CEP128: variants seen among roughly 807,000 people sequenced by gnomAD.
The protein encoded by CEP128 is centrosomal protein 128, also known as centrosomal protein 128kDa.
A neutral mutation model predicts 156.7 loss-of-function variants in CEP128; 132 were observed. That is an observed-to-expected ratio of 0.84 (90% CI 0.73 to 0.97). The LOEUF (loss-of-function observed/expected upper bound fraction) is 0.97, where lower values mean the gene tolerates loss of function less well. Ranked by LOEUF, CEP128 falls within the 50% of genes least tolerant of loss-of-function variation. CEP128 has a pLI of 0.00. For missense variants in CEP128, 1,252 were observed against 1,281.9 expected, an observed-to-expected ratio of 0.98 and a Z score of 0.36; for synonymous variants, 469 against 448.9, an observed-to-expected ratio of 1.04 and a Z score of -0.57.
intron 22 of CEP128, among the ~76,000 whole-genome samples, chr14:80,527,750 C>T (rs533180518): frequency 5.3e-4 from 80 of 152,310 alleles, no homozygotes; most frequent in South Asian, 2.9e-3. Flanking sequence ...AACAACATCC[C>T]ACCTTTTAAC....
At chr14:80,697,163 T>C (rs1404153897) in intron 19 of CEP128, among the ~76,000 whole-genome samples, 3 of 151,168 alleles carry the variant, frequency 2.0e-5, no homozygotes, top group African/African-American at 2.4e-5. Flanking sequence ...TTTAAGAAAT[T>C]AAAAAAAAAG....
intron 18 of CEP128, among the ~76,000 whole-genome samples, chr14:80,743,875 TC>T (rs1292625180): frequency 6.8e-6 from 1 of 146,492 alleles, no homozygotes; most frequent in Non-Finnish European, 1.5e-5. Context: ...TCTCTCTCAC[TC>T]TTTTTTTTTT....
chr14:80,685,385 C>T (rs1212642481), intron 19 of CEP128, among the ~76,000 whole-genome samples: 4 of 151,774 alleles, frequency 2.6e-5, no homozygotes, highest in Middle Eastern at 3.4e-3. Flanking sequence ...TAAATCTAAC[C>T]GAAGAAGTAA....
chr14:80,483,977 TTTTC>T (rs1439225069), intron 14 of CEP128, among the ~76,000 whole-genome samples: 1 of 152,020 alleles, frequency 6.6e-6, no homozygotes, highest in African/African-American at 2.4e-5. Context: ...CTTGATTCCT[TTTTC>T]TTTTTTTTTC....
intron 19 of CEP128, among the ~76,000 whole-genome samples, chr14:80,731,064 G>T (rs528626189): frequency 6.6e-6 from 1 of 152,250 alleles, no homozygotes; most frequent in South Asian, 2.1e-4. Context: ...ACAGCCTAAA[G>T]ACTTTGAAAT....
At chr14:80,487,790 G>A (rs900123866), downstream of CEP128, among the ~76,000 whole-genome samples, 142 of 152,158 alleles carry the variant, frequency 9.3e-4, no homozygotes, top group African/African-American at 3.3e-3. Context: ...GGTATATAAC[G>A]AAATGAAGGC....
intron 21 of CEP128, among the ~76,000 whole-genome samples, chr14:80,558,554 C>T (rs753196963): frequency 6.6e-6 from 1 of 152,098 alleles, no homozygotes; most frequent in African/African-American, 2.4e-5. Flanking sequence ...TCCCAAAGTG[C>T]TGGGATTACG....
intron 18 of CEP128, among the ~76,000 whole-genome samples, chr14:80,746,684 T>C (rs1899118966): frequency 6.6e-6 from 1 of 152,150 alleles, no homozygotes; most frequent in African/African-American, 2.4e-5. Flanking sequence ...GGCTTGGCAA[T>C]AGCTTCCTAG....
intron 9 of CEP128, among the ~76,000 whole-genome samples, chr14:80,846,976 C>A (rs1886639248): frequency 6.6e-6 from 1 of 152,050 alleles, no homozygotes; most frequent in Admixed American, 6.6e-5. Context: ...TTTCCCAATA[C>A]CAGAAAGATA....
At chr14:80,622,933 A>G (rs1893548828) in intron 19 of CEP128, among the ~76,000 whole-genome samples, 1 of 151,906 alleles carries the variant, frequency 6.6e-6, no homozygotes, top group Non-Finnish European at 1.5e-5. Context: ...TAGAAATACC[A>G]TTTGACCCAG....
chr14:80,822,645 G>A (rs9323694), intron 13 of CEP128: 8 of 743,386 alleles, frequency 1.1e-5, no homozygotes, highest in African/African-American at 1.7e-5. Flanking sequence ...GAACCCAAGC[G>A]TAAAAAGGCC....
chr14:80,795,943 C>T (rs1007183205), intron 13 of CEP128, among the ~76,000 whole-genome samples: 1 of 152,140 alleles, frequency 6.6e-6, no homozygotes, highest in African/African-American at 2.4e-5. Context: ...CAAAAACTAA[C>T]AGTAAAGATT....
intron 17 of CEP128, 32 bp from the exon 18 acceptor site, chr14:80,756,983 C>T (rs775180964): frequency 2.2e-6 from 3 of 1,382,408 alleles, no homozygotes; most frequent in Admixed American, 1.8e-5. Context: ...ATTAGAAATA[C>T]ATTTTTCTCT....
intron 19 of CEP128, among the ~76,000 whole-genome samples, chr14:80,680,938 C>G (rs182587692): frequency 2.6e-5 from 4 of 152,144 alleles, no homozygotes; most frequent in African/African-American, 4.8e-5. Context: ...GTGCACCCCA[C>G]GGATCAGCCC....
Position 80,604,034 on chromosome 14 carries a change from C to T in CEP128, c.2807-23611G>A, listed in dbSNP as rs187506201. On this transcript the variant is annotated intron_variant, in intron 19 of 24. Transcript: ENST00000555265. ...TAAAAACAAAAAGTTATTACTAAAA[C>T]TTTCAAAAAAGCAATATTTTCTAGT... 2.7e-3 allele frequency among the ~76,000 whole-genome samples: 414 copies of T among 152,270 alleles called. 2 individuals are homozygous for T. The highest frequency in any genetic ancestry group is 9.0e-3 in the African/African-American group (375 of 41,566).
At chr14:80,642,840 C>T (rs1894477851) in intron 19 of CEP128, among the ~76,000 whole-genome samples, 1 of 151,952 alleles carries the variant, frequency 6.6e-6, no homozygotes, top group Non-Finnish European at 1.5e-5. Context: ...ACTACAACCT[C>T]AGCCTCCCAG....
chr14:80,771,034 G>T (rs1900486697), intron 16 of CEP128, among the ~76,000 whole-genome samples: 3 of 152,098 alleles, frequency 2.0e-5, no homozygotes, highest in Admixed American at 2.0e-4. Flanking sequence ...TCAAAAAATA[G>T]CAATCCTAAA....
At chr14:80,642,231 C>T (rs186955905) in intron 19 of CEP128, among the ~76,000 whole-genome samples, 6 of 152,158 alleles carry the variant, frequency 3.9e-5, no homozygotes, top group East Asian at 1.9e-4. Flanking sequence ...GGAGGAGACA[C>T]GTAGAAACAC....
intron 19 of CEP128, among the ~76,000 whole-genome samples, chr14:80,612,771 T>C (rs1291753563): frequency 1.3e-5 from 2 of 152,192 alleles, no homozygotes; most frequent in African/African-American, 4.8e-5. Context: ...AAACCTCCAA[T>C]AGGTCCAATT....
Sources: allele counts gnomAD v4.1 joint callset (sites outside exome capture counted in the v4.1 genomes callset), GRCh38; gene constraint gnomAD v4.1.1; transcripts MANE v1.5; gene names NCBI Gene and HGNC (gene_info 2026-07-23, HGNC 2026-07-21).